DLG2: variants seen among roughly 807,000 people sequenced by gnomAD.
The protein encoded by DLG2 is discs large MAGUK scaffold protein 2.
DLG2 carries 45 observed loss-of-function variants against 132.5 expected under a neutral mutation model. That is an observed-to-expected ratio of 0.34 (90% confidence interval 0.27 to 0.44). The LOEUF (loss-of-function observed/expected upper bound fraction) is 0.44. Among genes scored for constraint, DLG2 ranks in the 20% least tolerant of loss-of-function variants. DLG2 has a pLI of 1.00. For synonymous variants in DLG2, 424 were observed against 419.6 expected, an observed-to-expected ratio of 1.01 and a Z score of -0.13; for missense variants, 1,045 against 1,196.9, an observed-to-expected ratio of 0.87 and a Z score of 1.87.
intron 4 of DLG2, among the ~76,000 whole-genome samples, chr11:85,243,298 G>T (rs1211765496): frequency 6.6e-6 from 1 of 151,884 alleles, no homozygotes. Context: ...TTATTTACTT[G>T]TCTTATGTTT....
intron 4 of DLG2, among the ~76,000 whole-genome samples, chr11:85,221,921 TTTTCTTTC>T (rs777141731): frequency 6.6e-6 from 1 of 151,772 alleles, no homozygotes; most frequent in Non-Finnish European, 1.5e-5. Flanking sequence ...CCAGAATACA[TTTTCTTTC>T]TTTCTTTCTT....
rs75474756 is a variant in DLG2, at chr11:85,183,602, A to G, written c.187-28951T>C. Among the ~76,000 whole-genome samples, 70 of 152,038 alleles carry G rather than the reference A, an allele frequency of 4.6e-4. 1 individual carries two copies. The East Asian group carries it at 7.0e-3, about 15-fold the overall frequency. ...TTGGGTCCAGGTCCACCATTTTAACATAAACACTAACAGGAATAAAAGACA... is the reference window on the plus strand; with the variant it reads ...TTGGGTCCAGGTCCACCATTTTAACGTAAACACTAACAGGAATAAAAGACA... On this transcript the variant is annotated intron_variant, in intron 4 of 27. Coordinates refer to ENST00000376104, the MANE Select transcript of DLG2 (RefSeq NM_001142699.3).
At chr11:85,296,365 C>A (rs964931521) in intron 3 of DLG2, among the ~76,000 whole-genome samples, 3 of 151,794 alleles carry the variant, frequency 2.0e-5, no homozygotes, top group South Asian at 2.1e-4. Context: ...ACCTCTGTCT[C>A]TGACATGTAA....
chr11:84,303,264 T>C (rs1199558435), intron 7 of DLG2, among the ~76,000 whole-genome samples: 1 of 152,202 alleles, frequency 6.6e-6, no homozygotes, highest in Non-Finnish European at 1.5e-5. Context: ...AGAGCTAGTA[T>C]ATAAACTGAG....
At chr11:83,940,103 T>C (rs1302319008) in intron 14 of DLG2, among the ~76,000 whole-genome samples, 1 of 152,238 alleles carries the variant, frequency 6.6e-6, no homozygotes, top group Non-Finnish European at 1.5e-5. Context: ...GGATAAGACA[T>C]GCATAAGAAC....
chr11:84,956,015 G>T (rs558258050), intron 6 of DLG2, among the ~76,000 whole-genome samples: 1 of 152,174 alleles, frequency 6.6e-6, no homozygotes, highest in Non-Finnish European at 1.5e-5. Flanking sequence ...CATGTTTCCA[G>T]CAGAATAAGG....
chr11:84,015,417 T>G (rs919313937), intron 11 of DLG2, among the ~76,000 whole-genome samples: 18 of 152,166 alleles, frequency 1.2e-4, no homozygotes, highest in African/African-American at 3.9e-4. Context: ...GTGCAGCATG[T>G]GCAGGTTTGT....
chr11:84,357,897 T>C (rs2098626985), intron 7 of DLG2, among the ~76,000 whole-genome samples: 2 of 151,912 alleles, frequency 1.3e-5, no homozygotes, highest in Admixed American at 1.3e-4. Flanking sequence ...TACAGGAGGG[T>C]TATTGTAATA....
intron 9 of DLG2, among the ~76,000 whole-genome samples, chr11:84,150,993 G>C (rs558545417): frequency 6.6e-6 from 1 of 152,238 alleles, no homozygotes; most frequent in South Asian, 2.1e-4. Flanking sequence ...TGGATGTGCT[G>C]CTGGATTCAG....
intron 9 of DLG2, among the ~76,000 whole-genome samples, chr11:84,151,460 A>C (rs2095290949): frequency 6.6e-6 from 1 of 152,012 alleles, no homozygotes; most frequent in Non-Finnish European, 1.5e-5. Flanking sequence ...TATTCTGGCT[A>C]GTGGTCTATA....
intron 4 of DLG2, among the ~76,000 whole-genome samples, chr11:85,272,013 T>C (rs1389571073): frequency 6.6e-6 from 1 of 152,194 alleles, no homozygotes; most frequent in Non-Finnish European, 1.5e-5. Flanking sequence ...GTGAATGATA[T>C]GGTTCGGCTA....
At chr11:83,720,249 C>G (rs555339583) in intron 18 of DLG2, among the ~76,000 whole-genome samples, 1 of 126,198 alleles carries the variant, frequency 7.9e-6, no homozygotes, top group East Asian at 2.3e-4. Flanking sequence ...GCCAACATCA[C>G]ACCACTGCAC....
At chr11:83,470,301 C>G (rs2091859590) in intron 24 of DLG2, among the ~76,000 whole-genome samples, 1 of 151,850 alleles carries the variant, frequency 6.6e-6, no homozygotes, top group Non-Finnish European at 1.5e-5. Context: ...AAAATCATCA[C>G]AGAGAAAAAA....
At chr11:84,837,879 C>A (rs766686831) in intron 6 of DLG2, among the ~76,000 whole-genome samples, 2 of 151,712 alleles carry the variant, frequency 1.3e-5, no homozygotes, top group Non-Finnish European at 2.9e-5. Context: ...GCATCAAGAG[C>A]AAATAACCTG....
In DLG2 at chr11:83,727,358, C is replaced by A. The variant is rs768517362; in HGVS notation, c.1825+59332G>T. Among the ~76,000 whole-genome samples the A allele has an allele frequency of 6.2e-4, 94 of 152,154 alleles. 2 individuals are homozygous for A. The highest frequency in any genetic ancestry group is 2.6e-4 in the Non-Finnish European group (18 of 68,032). ...AGGCCACAGTGATTGTTGTTCACAG[C>A]CATTATCAGCTGGTCCCTCTCCACC... is the stretch of plus-strand genomic sequence containing the variant. On this transcript the variant is annotated intron_variant, in intron 18 of 27. Coordinates refer to ENST00000376104, the MANE Select transcript of DLG2 (RefSeq NM_001142699.3).
At chr11:85,167,626 T>G (rs2078552287) in intron 4 of DLG2, among the ~76,000 whole-genome samples, 2 of 152,118 alleles carry the variant, frequency 1.3e-5, no homozygotes, top group Non-Finnish European at 2.9e-5. Context: ...TTTATTACCA[T>G]TAGATCATAT....
intron 3 of DLG2, chr11:85,469,375 A>C (rs1254658506): frequency 6.6e-6 from 1 of 152,250 alleles, no homozygotes; most frequent in Non-Finnish European, 1.5e-5. Context: ...CTGCATAGCA[A>C]AACAAATAGT....
intron 18 of DLG2, among the ~76,000 whole-genome samples, chr11:83,718,908 G>T (rs898493381): frequency 3.9e-5 from 6 of 152,276 alleles, no homozygotes; most frequent in Middle Eastern, 3.4e-3. Context: ...TTCTTGTCCA[G>T]ACAACTGCAG....
chr11:84,403,048 ACTGTGTTTTTT>A, intron 7 of DLG2, among the ~76,000 whole-genome samples: 1 of 151,568 alleles, frequency 6.6e-6, no homozygotes, highest in African/African-American at 2.4e-5. Flanking sequence ...GTGTTCTCAG[ACTGTGTTTTTT>A]TTTAATATCT....
Sources: gnomAD v4.1 joint callset for allele counts (sites outside exome capture counted in the v4.1 genomes callset) on GRCh38, gnomAD v4.1.1 for gene constraint, MANE v1.5 for transcripts, NCBI Gene and HGNC (gene_info 2026-07-23, HGNC 2026-07-21) for gene names.